Variants in SPNS3 observed in about 807,000 individuals in gnomAD.
The protein encoded by SPNS3 is SPNS lysolipid transporter 3, sphingosine-1-phosphate (putative).
A neutral mutation model predicts 54.4 loss-of-function variants in SPNS3; 51 were observed. That is an observed-to-expected ratio of 0.94 (90% CI 0.75 to 1.18). The LOEUF is 1.18. Among genes scored for constraint, SPNS3 ranks in the 50% most tolerant of loss-of-function variants. SPNS3 has a pLI of 0.00. For missense variants in SPNS3, 669 were observed against 677.4 expected, an observed-to-expected ratio of 0.99 and a Z score of 0.14; for synonymous variants, 309 against 294.7, an observed-to-expected ratio of 1.05 and a Z score of -0.50.
At chr17:4,487,352 A>G (rs537542929) in intron 11 of SPNS3, among the ~76,000 whole-genome samples, 1 of 152,248 alleles carries the variant, frequency 6.6e-6, no homozygotes, top group South Asian at 2.1e-4. Flanking sequence ...AATGCACCTG[A>G]TATGTTTGAG....
intron 5 of SPNS3, among the ~76,000 whole-genome samples, chr17:4,447,631 G>T (rs1472815787): frequency 6.6e-6 from 1 of 152,188 alleles, no homozygotes; most frequent in Non-Finnish European, 1.5e-5. Flanking sequence ...CTTCAAGGAG[G>T]CAGGTCTGAC....
chr17:4,486,327 G>C lies in SPNS3; in HGVS notation c.1278+1G>C, dbSNP rs370889254. 3 of 1,562,824 alleles carry C rather than the reference G, an allele frequency of 1.9e-6. No individual in the cohort carries two copies. The South Asian group carries it at 3.4e-5, about 18-fold the overall frequency. On this transcript the variant is annotated splice_donor_variant, in intron 10 of 11. Coordinates refer to ENST00000355530, the MANE Select transcript of SPNS3 (RefSeq NM_182538.5). LOFTEE classifies it high-confidence loss of function. The surrounding 1 kb of genome is among the most constrained non-coding windows in gnomAD (Gnocchi z 5.5). ...TGGCAGCCCCTATCTCACAGGACTTGTAAGACGTGTCTGCGTGTGTGGGGT... is the reference window on the plus strand; with the variant it reads ...TGGCAGCCCCTATCTCACAGGACTTCTAAGACGTGTCTGCGTGTGTGGGGT...
intron 6 of SPNS3, among the ~76,000 whole-genome samples, chr17:4,448,514 T>C (rs1402901390): frequency 6.6e-6 from 1 of 152,170 alleles, no homozygotes; most frequent in Non-Finnish European, 1.5e-5. Flanking sequence ...GACAGAAATA[T>C]GGACAGAGTG....
At chr17:4,452,875 C>A in intron 7 of SPNS3, 141 bp from the exon 8 acceptor site, 1 of 756,596 alleles carries the variant, frequency 1.3e-6, no homozygotes, top group Non-Finnish European at 2.1e-6. Context: ...TGGGTCAGGT[C>A]AGGGGCCCAC....
chr17:4,448,704 A>C (rs998091744), intron 6 of SPNS3, among the ~76,000 whole-genome samples: 4 of 152,196 alleles, frequency 2.6e-5, no homozygotes, highest in Non-Finnish European at 5.9e-5. Flanking sequence ...CATGGCGTGC[A>C]TGATCCTCTG....
chr17:4,476,276 T>G (rs1032271780), intron 8 of SPNS3, among the ~76,000 whole-genome samples: 6 of 152,182 alleles, frequency 3.9e-5, no homozygotes, highest in Non-Finnish European at 7.4e-5. Flanking sequence ...TGAGGAGACC[T>G]GGCATCGTCG....
At chr17:4,439,590 G>T in intron 1 of SPNS3, 68 bp from the exon 2 acceptor site, 1 of 1,499,540 alleles carries the variant, frequency 6.7e-7, no homozygotes. Flanking sequence ...TGCCAAACCT[G>T]GAGCAGCTGC....
intron 11 of SPNS3, among the ~76,000 whole-genome samples, chr17:4,487,223 C>T (rs1379176810): frequency 6.6e-6 from 1 of 150,912 alleles, no homozygotes; most frequent in African/African-American, 2.4e-5. Context: ...CAAGGATCCC[C>T]ACTGCACAGG....
chr17:4,448,274 G>A lies in SPNS3; in HGVS notation c.741G>A (p.Trp247Ter), dbSNP rs993157765. Residue 247 changes from tryptophan to a stop codon, truncating the protein, a stop_gained, in exon 6 of 12, where the codon TGG becomes TGA. Coordinates refer to ENST00000355530, the MANE Select transcript of SPNS3 (RefSeq NM_182538.5). LOFTEE classifies it high-confidence loss of function. ...EGAVGGFRSS[W>*]CEDVRYLGKN... is the part of the protein sequence containing the mutation. ...CCGTGGGAGGCTTCAGGAGCAGCTG[G>A]TGTGAGGACGTCAGATACCTGGGGA... is the stretch of plus-strand genomic sequence containing the variant. 1.9e-6 allele frequency: 3 copies of A among 1,585,942 alleles called. No individual in the cohort carries two copies. The highest frequency in any genetic ancestry group is 2.3e-5 in the South Asian group (2 of 87,190).
At chr17:4,453,319 T>G in intron 8 of SPNS3, 114 bp downstream of exon 8, 1 of 995,158 alleles carries the variant, frequency 1.0e-6, no homozygotes. Flanking sequence ...TCACTCCTTC[T>G]GAGTAGAGCT....
chr17:4,444,870 G>A (rs1303887352), intron 2 of SPNS3, 162 bp from the exon 3 acceptor site: 8 of 842,104 alleles, frequency 9.5e-6, no homozygotes, highest in Admixed American at 2.4e-5. Context: ...TGTTGGCCAC[G>A]CACTGTGAGG....
At chr17:4,455,926 G>A (rs1293352051) in intron 8 of SPNS3, among the ~76,000 whole-genome samples, 3 of 147,052 alleles carry the variant, frequency 2.0e-5, no homozygotes, top group South Asian at 2.2e-4. Context: ...GTGGGGGGGG[G>A]GTGAGTGTCA....
chr17:4,447,695 T>A (rs1994979), intron 5 of SPNS3, among the ~76,000 whole-genome samples: 43 of 152,026 alleles, frequency 2.8e-4, no homozygotes, highest in African/African-American at 8.4e-4. Context: ...TGCCCCAAGG[T>A]GGGTAGTGAG....
intron 8 of SPNS3, among the ~76,000 whole-genome samples, chr17:4,461,203 C>T (rs1176973965): frequency 6.6e-6 from 1 of 151,530 alleles, no homozygotes; most frequent in African/African-American, 2.4e-5. Flanking sequence ...CAGTAATGTC[C>T]CCCCTTTCAT....
chr17:4,481,656 C>T (rs908975425), intron 9 of SPNS3, among the ~76,000 whole-genome samples: 74 of 152,208 alleles, frequency 4.9e-4, no homozygotes, highest in African/African-American at 1.8e-3. Flanking sequence ...TCTGCTCCCA[C>T]TCCCAGCCTG....
At chr17:4,439,601 C>A (rs1158614693) in intron 1 of SPNS3, 57 bp from the exon 2 acceptor site, 1 of 1,557,688 alleles carries the variant, frequency 6.4e-7, no homozygotes, top group Non-Finnish European at 8.8e-7. Context: ...GAGCAGCTGC[C>A]TTTAGAGGCC....
rs1037301615 is a variant in SPNS3, at chr17:4,488,196, G to A, written c.*302G>A. On this transcript the variant is annotated 3_prime_UTR_variant, in exon 12 of 12. Transcript: ENST00000355530. ...GGCCAGTACAAAGCCCATGGATTTT[G>A]GGCCTGTAGACAGCCGTGTTATTTA... The A allele has an allele frequency of 3.3e-5, 13 of 399,264 alleles. No individual in the cohort carries two copies. Among genetic ancestry groups the A allele is most frequent in the Non-Finnish European group, 5.5e-5 (12 of 216,356 alleles). The allele number at this position is 399,264 out of a possible 1,614,324, so 24.7% of individuals were successfully genotyped here. A position where few individuals can be genotyped will look rare whatever the true frequency, so the allele number is the denominator to read the frequency against.
Position 4,468,944 on chromosome 17 carries a change from G to A in SPNS3, c.1114-9628G>A, listed in dbSNP as rs977381076. Among the ~76,000 whole-genome samples the A allele has an allele frequency of 1.3e-4, 19 of 151,640 alleles. 1 individual carries two copies. Among genetic ancestry groups the A allele is most frequent in the Non-Finnish European group, 4.4e-5 (3 of 67,908 alleles). ...GCTGGGATTATGGGGCATGCCACCAGGCCCAGCTAATTTTGTGTTTTTGGT... is the reference window on the plus strand; with the variant it reads ...GCTGGGATTATGGGGCATGCCACCAAGCCCAGCTAATTTTGTGTTTTTGGT... On this transcript the variant is annotated intron_variant, in intron 8 of 11. Coordinates refer to ENST00000355530, the MANE Select transcript of SPNS3 (RefSeq NM_182538.5).
chr17:4,483,738 T>C lies in SPNS3; in HGVS notation c.1180-2490T>C, dbSNP rs1450609267. 3 of 152,198 alleles carry C rather than the reference T, an allele frequency of 2.0e-5. No homozygotes were observed. The highest frequency in any genetic ancestry group is 4.4e-5 in the Non-Finnish European group (3 of 68,030). 9.4% of individuals were successfully genotyped at this position (152,198 alleles called of 1,614,324 possible). ...CAGGCCTGTTGACAGATCCTGGTGA[T>C]GGCAAGAGGCCCGGTTTCTCTTGCC... On this transcript the variant is annotated intron_variant, in intron 9 of 11. Transcript: ENST00000355530. This position sits in a 1 kb window ranked among gnomAD's most constrained non-coding sequence, Gnocchi z 4.2.
Sources: allele counts gnomAD v4.1 joint callset (sites outside exome capture counted in the v4.1 genomes callset), GRCh38; gene constraint gnomAD v4.1.1; non-coding constraint Gnocchi (gnomAD v3.1); transcripts MANE v1.5; gene names NCBI Gene and HGNC (gene_info 2026-07-23, HGNC 2026-07-21).